The following ARHGEF7 variants were observed in gnomAD, a reference collection of about 807,000 sequenced individuals.
The protein encoded by ARHGEF7 is Rho guanine nucleotide exchange factor 7.
ARHGEF7 carries 33 observed loss-of-function variants against 109.8 expected under a neutral mutation model. The ratio of observed to expected loss-of-function variants is 0.30; its 90% CI spans 0.23 to 0.40. ARHGEF7 has a LOEUF of 0.40. ARHGEF7 is among the 10% of genes least tolerant of loss of function. The pLI is 1.00. For synonymous variants in ARHGEF7, 458 were observed against 424.6 expected (o/e 1.08, Z -0.97); for missense variants, 938 against 1,098.5 (o/e 0.85, Z 2.07).
At chr13:111,115,162 C>A (rs1390865776), upstream of ARHGEF7, 1 of 147,412 alleles carries the variant, frequency 6.8e-6, no homozygotes, top group African/African-American at 2.4e-5. Context: ...GCCGCCGCCG[C>A]CCCGCGCACG....
intron 12 of ARHGEF7, 145 bp downstream of exon 12, chr13:111,275,823 A>C (rs1350835200): frequency 8.8e-6 from 9 of 1,024,520 alleles, no homozygotes; most frequent in Non-Finnish European, 1.2e-5. Context: ...TATTCTTGAC[A>C]CAGGAGAGAG....
At chr13:111,164,182 C>G (rs1377984740) in intron 2 of ARHGEF7, among the ~76,000 whole-genome samples, 2 of 152,130 alleles carry the variant, frequency 1.3e-5, no homozygotes, top group Non-Finnish European at 2.9e-5. Flanking sequence ...CTCACGATGC[C>G]CTGCAGAGAA....
chr13:111,265,561 G>T (rs765898602), intron 8 of ARHGEF7: 1 of 456,618 alleles, frequency 2.2e-6, no homozygotes, highest in African/African-American at 2.0e-5. Flanking sequence ...AGGTGGAACC[G>T]GGAAGTCCGG....
chr13:111,254,191 A>C (rs1021224549), intron 8 of ARHGEF7, among the ~76,000 whole-genome samples: 2 of 152,270 alleles, frequency 1.3e-5, no homozygotes, highest in Admixed American at 1.3e-4. Context: ...AAAACAGTAC[A>C]TCAAGAGAAA....
In ARHGEF7 at chr13:111,131,454, T is replaced by C. The variant is rs1383007709; in HGVS notation, c.165+15763T>C. Reference sequence around the variant, plus strand: ...GGCATCCGCATAGAGCTGTTGGAGCTTAGAGGCCCCCTGGACTGAAGCATA... The same window carrying C: ...GGCATCCGCATAGAGCTGTTGGAGCCTAGAGGCCCCCTGGACTGAAGCATA... On this transcript the variant is annotated intron_variant, in intron 1 of 21. Transcript: ENST00000646102. The surrounding 1 kb of genome is among the most constrained non-coding windows in gnomAD (Gnocchi z 4.4). Among the ~76,000 whole-genome samples, 2 of 152,112 alleles carry C rather than the reference T, an allele frequency of 1.3e-5. No homozygotes were observed. The highest frequency in any genetic ancestry group is 2.9e-5 in the Non-Finnish European group (2 of 68,010).
At chr13:111,210,665 G>A (rs1419211740) in intron 4 of ARHGEF7, among the ~76,000 whole-genome samples, 4 of 152,222 alleles carry the variant, frequency 2.6e-5, no homozygotes, top group African/African-American at 9.6e-5. Context: ...CCTGTAGAGT[G>A]TTGGGGCAGA....
intron 8 of ARHGEF7, 136 bp from the exon 9 acceptor site, chr13:111,267,412 G>T (rs2091749004): frequency 1.3e-5 from 15 of 1,159,686 alleles, no homozygotes; most frequent in Non-Finnish European, 1.8e-5. Context: ...CATGTGTGCT[G>T]GGATCGGGGC....
Position 111,303,756 on chromosome 13 carries a change from A to G in ARHGEF7, c.*643A>G, listed in dbSNP as rs3783083. ...CCAGACCTGCGGGTTTCTGAGGGCA[A>G]CTTGCTGGCTGACAGACTCAGTCTT... is the stretch of plus-strand genomic sequence containing the variant. On this transcript the variant is annotated 3_prime_UTR_variant, in exon 22 of 22. Transcript: ENST00000646102. 50,151 of 152,164 alleles carry G rather than the reference A, an allele frequency of 0.33. 8,956 individuals are homozygous for G. Among genetic ancestry groups the G allele is most frequent in the East Asian group, 0.74 (3,829 of 5,164 alleles). The allele number at this position is 152,164 out of a possible 1,614,324, so 9.4% of individuals were successfully genotyped here.
At chr13:111,247,066 G>A (rs2088981299) in intron 8 of ARHGEF7, among the ~76,000 whole-genome samples, 1 of 152,160 alleles carries the variant, frequency 6.6e-6, no homozygotes, top group South Asian at 2.1e-4. Flanking sequence ...ACATGTATAC[G>A]AGGTGTTAGA....
At chr13:111,174,725 C>T (rs1202452359) in intron 2 of ARHGEF7, among the ~76,000 whole-genome samples, 1 of 152,224 alleles carries the variant, frequency 6.6e-6, no homozygotes, top group South Asian at 2.1e-4. Flanking sequence ...TGTGTCCACA[C>T]CCCGTGCCTC....
chr13:111,118,478 T>A (rs150480313), intron 1 of ARHGEF7, among the ~76,000 whole-genome samples: 467 of 152,284 alleles, frequency 3.1e-3, no homozygotes, highest in Middle Eastern at 0.01. Flanking sequence ...AAAATGGGAT[T>A]AAAAAGTTTT....
chr13:111,159,618 C>G (rs1301405230), intron 2 of ARHGEF7, among the ~76,000 whole-genome samples: 1 of 152,206 alleles, frequency 6.6e-6, no homozygotes, highest in African/African-American at 2.4e-5. Context: ...ATGTGCATTT[C>G]TCTGATCATT....
At chr13:111,270,212 G>GC (rs2092024545) in intron 9 of ARHGEF7, among the ~76,000 whole-genome samples, 2 of 152,288 alleles carry the variant, frequency 1.3e-5, no homozygotes, top group East Asian at 3.9e-4. Flanking sequence ...CTTTGAAAAT[G>GC]ATTTTTTTCC....
At chr13:111,174,072 A>G (rs143089822) in intron 2 of ARHGEF7, among the ~76,000 whole-genome samples, 4 of 152,346 alleles carry the variant, frequency 2.6e-5, no homozygotes, top group Admixed American at 1.3e-4. Flanking sequence ...GGATAAGATT[A>G]ATGAAGCGCC....
intron 8 of ARHGEF7, among the ~76,000 whole-genome samples, chr13:111,244,986 T>G (rs1412231227): frequency 6.6e-6 from 1 of 152,156 alleles, no homozygotes; most frequent in Non-Finnish European, 1.5e-5. Flanking sequence ...GAAATGGTAG[T>G]TGGTTGGTGA....
chr13:111,250,679 A>T (rs778343926), intron 8 of ARHGEF7, among the ~76,000 whole-genome samples: 26 of 152,194 alleles, frequency 1.7e-4, no homozygotes, highest in Non-Finnish European at 1.6e-4. Flanking sequence ...CCCAGCTGCA[A>T]ATGGGGTGCC....
chr13:111,141,124 G>A (rs1292544263), intron 1 of ARHGEF7, among the ~76,000 whole-genome samples: 1 of 152,086 alleles, frequency 6.6e-6, no homozygotes, highest in African/African-American at 2.4e-5. Context: ...TGATGCACCT[G>A]TTACAATTGA....
intron 2 of ARHGEF7, among the ~76,000 whole-genome samples, chr13:111,173,811 G>A (rs1425551862): frequency 1.3e-5 from 2 of 152,136 alleles, no homozygotes; most frequent in African/African-American, 2.4e-5. Context: ...TCAGGGGGTG[G>A]GTGGGGTGTG....
intron 19 of ARHGEF7, 157 bp downstream of exon 19, chr13:111,292,451 CT>C: frequency 6.9e-7 from 1 of 1,450,986 alleles, no homozygotes. Context: ...GAGAGTGTTC[CT>C]GATATTTCCC....
Sources: gnomAD v4.1 joint callset for allele counts (sites outside exome capture counted in the v4.1 genomes callset) on GRCh38, gnomAD v4.1.1 for gene constraint, Gnocchi (gnomAD v3.1) non-coding constraint, MANE v1.5 for transcripts, NCBI Gene and HGNC (gene_info 2026-07-23, HGNC 2026-07-21) for gene names.